ADAM18: variants seen among roughly 807,000 people sequenced by gnomAD.
ADAM18 encodes the protein disintegrin and metalloproteinase domain-containing protein 18.
A neutral mutation model predicts 94.4 loss-of-function variants in ADAM18; 117 were observed. The ratio of observed to expected loss-of-function variants is 1.24; its 90% CI spans 1.07 to 1.45. The LOEUF (loss-of-function observed/expected upper bound fraction) is 1.45. Among genes scored for constraint, ADAM18 ranks in the 40% most tolerant of loss-of-function variants. ADAM18 has a pLI of 0.00. For missense variants in ADAM18, 936 were observed against 880.0 expected, an observed-to-expected ratio of 1.06 and a Z score of -0.81; for synonymous variants, 327 against 291.6, an observed-to-expected ratio of 1.12 and a Z score of -1.24.
chr8:39,698,833 A>G (rs1382923359), intron 17 of ADAM18, among the ~76,000 whole-genome samples: 1 of 152,002 alleles, frequency 6.6e-6, no homozygotes, highest in Non-Finnish European at 1.5e-5. Context: ...CTCTTACACC[A>G]TATTTCAATG....
chr8:39,677,606 T>C (rs764375827), intron 15 of ADAM18, 70 bp downstream of exon 15: 1 of 1,134,258 alleles, frequency 8.8e-7, no homozygotes. Flanking sequence ...AGACACTAAG[T>C]AGTAATGAAC....
At chr8:39,708,847 C>G (rs1586003584) in intron 18 of ADAM18, among the ~76,000 whole-genome samples, 1 of 152,322 alleles carries the variant, frequency 6.6e-6, no homozygotes, top group Admixed American at 6.5e-5. Context: ...GGTGCAGGGG[C>G]CAAGGTGAGC....
intron 7 of ADAM18, among the ~76,000 whole-genome samples, chr8:39,636,015 T>G (rs1820065942): frequency 6.7e-6 from 1 of 150,354 alleles, no homozygotes; most frequent in Non-Finnish European, 1.5e-5. Context: ...TTTTGTTTTT[T>G]TTTTTTTGAG....
At chr8:39,637,373 A>G (rs775621022) in intron 8 of ADAM18, 38 bp downstream of exon 8, 2 of 1,562,300 alleles carry the variant, frequency 1.3e-6, no homozygotes, top group Non-Finnish European at 1.7e-6. Context: ...TTTTCATGAA[A>G]GTTTCTTTAA....
At chr8:39,623,098 G>A (rs1416967160) in intron 6 of ADAM18, among the ~76,000 whole-genome samples, 2 of 152,098 alleles carry the variant, frequency 1.3e-5, no homozygotes, top group African/African-American at 4.8e-5. Flanking sequence ...CCACTTAAAA[G>A]TGAGAACATA....
intron 16 of ADAM18, among the ~76,000 whole-genome samples, chr8:39,690,002 T>A (rs1295641148): frequency 1.3e-5 from 2 of 152,204 alleles, no homozygotes; most frequent in Non-Finnish European, 2.9e-5. Flanking sequence ...CTGTTGACTG[T>A]TGGCTCATTT....
Position 39,606,308 on chromosome 8 carries a change from T to C in ADAM18, c.134T>C (p.Met45Thr), listed in dbSNP as rs373513704. Residue 45 changes from methionine (M) to threonine (T), a missense_variant and splice_region_variant, in exon 3 of 20, where the codon ATG (methionine) becomes ACG (threonine). Physicochemically the swap from Met to Thr is moderately conservative, Grantham distance 81. Transcript: ENST00000265707. ...CTTTACTGATGTGTTTTATTTTAGA[T>C]GATTTACATCATTACAATTGATGGA... ...SNDSEVSERK[M>T]IYIITIDGQP... 5 of 1,527,520 alleles carry C rather than the reference T, an allele frequency of 3.3e-6. No individual in the cohort carries two copies. Among genetic ancestry groups the C allele is most frequent in the Non-Finnish European group, 4.5e-6 (5 of 1,123,008 alleles). The allele number at this position is 1,527,520 out of a possible 1,614,324, so 94.6% of individuals were successfully genotyped here.
chr8:39,674,062 A>C (rs898506421), intron 14 of ADAM18, among the ~76,000 whole-genome samples: 1 of 152,196 alleles, frequency 6.6e-6, no homozygotes, highest in East Asian at 1.9e-4. Flanking sequence ...CAATTTTAGA[A>C]TAAGTGAGAT....
chr8:39,670,663 A>T lies in ADAM18; in HGVS notation c.1525+2467A>T, dbSNP rs1040541871. On this transcript the variant is annotated intron_variant, in intron 14 of 19. Coordinates refer to ENST00000265707, the MANE Select transcript of ADAM18 (RefSeq NM_014237.3). ...TCATGGAGCTTAATGACTAAGAGAA[A>T]AAGACAGTAAAACAAAAGAAATATA... 2.0e-5 allele frequency among the ~76,000 whole-genome samples: 3 copies of T among 152,260 alleles called. No individual in the cohort carries two copies. In the East Asian group the frequency reaches 5.8e-4, roughly 29 times the overall value.
chr8:39,697,184 A>G (rs903069439), intron 17 of ADAM18, among the ~76,000 whole-genome samples: 1 of 151,580 alleles, frequency 6.6e-6, no homozygotes, highest in Non-Finnish European at 1.5e-5. Flanking sequence ...TAGCCAGTGT[A>G]TTAAAATGCA....
At chr8:39,614,648 C>G (rs1819384085) in intron 6 of ADAM18, among the ~76,000 whole-genome samples, 1 of 152,254 alleles carries the variant, frequency 6.6e-6, no homozygotes. Context: ...GGGAAAAACA[C>G]CCCACATAAA....
intron 18 of ADAM18, among the ~76,000 whole-genome samples, chr8:39,710,739 A>T (rs1237688210): frequency 6.6e-6 from 1 of 152,232 alleles, no homozygotes; most frequent in Non-Finnish European, 1.5e-5. Context: ...ACTGGCAGTT[A>T]TGTTGTCAGG....
At chr8:39,663,743 A>C in intron 12 of ADAM18, 52 bp from the exon 13 acceptor site, 25 of 1,182,256 alleles carry the variant, frequency 2.1e-5, no homozygotes, top group Non-Finnish European at 2.9e-5. Flanking sequence ...TTAAGAAACA[A>C]GAGCTTTTAA....
chr8:39,622,889 C>T (rs1190489033), intron 6 of ADAM18, among the ~76,000 whole-genome samples: 5 of 151,688 alleles, frequency 3.3e-5, no homozygotes, highest in African/African-American at 4.8e-5. Flanking sequence ...TATATTTTTT[C>T]GTTTCAGTTG....
chr8:39,688,558 A>G (rs563403202), intron 16 of ADAM18, among the ~76,000 whole-genome samples: 1 of 152,204 alleles, frequency 6.6e-6, no homozygotes, highest in Non-Finnish European at 1.5e-5. Context: ...TGCAGAAGAC[A>G]TGACCTCATT....
intron 19 of ADAM18, among the ~76,000 whole-genome samples, chr8:39,725,285 A>T (rs1161400641): frequency 1.3e-5 from 2 of 152,074 alleles, no homozygotes; most frequent in Non-Finnish European, 2.9e-5. Flanking sequence ...AAGGCCATAA[A>T]TATATCACCT....
intron 6 of ADAM18, among the ~76,000 whole-genome samples, chr8:39,614,840 A>G (rs1178781989): frequency 6.6e-6 from 1 of 152,236 alleles, no homozygotes; most frequent in Admixed American, 6.5e-5. Flanking sequence ...CTATAAACCA[A>G]CAACAATAAA....
At chr8:39,651,620 A>ACATGTTT (rs1177047092) in intron 12 of ADAM18, among the ~76,000 whole-genome samples, 1 of 91,548 alleles carries the variant, frequency 1.1e-5, no homozygotes, top group Admixed American at 1.1e-4. Flanking sequence ...TTCAGGGAGC[A>ACATGTTT]CAGGGTTGGG....
At chr8:39,619,867 T>C (rs969036816) in intron 6 of ADAM18, among the ~76,000 whole-genome samples, 43 of 152,188 alleles carry the variant, frequency 2.8e-4, no homozygotes, top group African/African-American at 1.0e-3. Flanking sequence ...TACCAGTCTT[T>C]ACAGAAATAG....
Sources: allele counts gnomAD v4.1 joint callset (sites outside exome capture counted in the v4.1 genomes callset), GRCh38; gene constraint gnomAD v4.1.1; transcripts MANE v1.5; gene names NCBI Gene and HGNC (gene_info 2026-07-23, HGNC 2026-07-21).